The following OPHN1 variants were observed in gnomAD, a reference collection of about 807,000 sequenced individuals.
The protein encoded by OPHN1 is oligophrenin-1.
In OPHN1, 11 loss-of-function variants were observed where a neutral mutation model predicts 60.7. The observed-to-expected ratio is 0.18, with a 90% CI of 0.11 to 0.30. The LOEUF is 0.30. Ranked by LOEUF, OPHN1 falls within the 10% of genes least tolerant of loss-of-function variation. OPHN1 has a pLI of 1.00. For missense variants in OPHN1, 449 were observed against 611.0 expected, an observed-to-expected ratio of 0.73 and a Z score of 2.80; for synonymous variants, 226 against 222.6, an observed-to-expected ratio of 1.02 and a Z score of -0.14.
intron 2 of OPHN1, among the ~76,000 whole-genome samples, chrX:68,312,061 GA>G (rs915834833): frequency 2.8e-5 from 3 of 105,994 alleles, no homozygotes; most frequent in Non-Finnish European, 3.9e-5. Flanking sequence ...AATAATATAA[GA>G]AAACAGGAAA....
intron 20 of OPHN1, 77 bp downstream of exon 20, chrX:68,073,075 G>A: frequency 1.9e-6 from 2 of 1,079,019 alleles, no homozygotes; most frequent in Non-Finnish European, 2.5e-6. Flanking sequence ...AAATGGTCAT[G>A]CCACCGCTTC....
At chrX:68,243,082 C>T (rs1200862987) in intron 5 of OPHN1, among the ~76,000 whole-genome samples, 2 of 110,756 alleles carry the variant, frequency 1.8e-5, no homozygotes, top group Non-Finnish European at 3.8e-5. Context: ...TGGCTGAGGT[C>T]TCAAACTCCT....
At chrX:68,413,590 T>C (rs771784057) in intron 2 of OPHN1, among the ~76,000 whole-genome samples, 1 of 111,545 alleles carries the variant, frequency 9.0e-6, no homozygotes, top group Non-Finnish European at 1.9e-5. Flanking sequence ...TATCCCTCTC[T>C]GTTGCAATTC....
intron 11 of OPHN1, among the ~76,000 whole-genome samples, chrX:68,198,740 GC>G (rs939730832): frequency 9.0e-6 from 1 of 111,489 alleles, no homozygotes; most frequent in African/African-American, 3.3e-5. Context: ...AAGTAACTAG[GC>G]CTTTCTAGAC....
At chrX:68,303,648 C>CA (rs766771191) in intron 2 of OPHN1, among the ~76,000 whole-genome samples, 84 of 83,897 alleles carry the variant, frequency 1.0e-3, no homozygotes, top group Admixed American at 8.2e-4. Flanking sequence ...AATTTCATCT[C>CA]AAAAAAAAAA....
chrX:68,355,982 G>A (rs927075103), intron 2 of OPHN1, among the ~76,000 whole-genome samples: 3 of 110,627 alleles, frequency 2.7e-5, no homozygotes, highest in Admixed American at 9.7e-5. Context: ...CCCGGGTGGT[G>A]GAGGTTGCAG....
intron 5 of OPHN1, among the ~76,000 whole-genome samples, chrX:68,251,184 T>G (rs1181662068): frequency 5.3e-5 from 5 of 94,011 alleles, no homozygotes; most frequent in Admixed American, 1.1e-4. Context: ...TCAAATGTTT[T>G]TTTTTTTTTT....
At chrX:68,387,855 A>C (rs987042825) in intron 2 of OPHN1, among the ~76,000 whole-genome samples, 1 of 111,313 alleles carries the variant, frequency 9.0e-6, no homozygotes, top group East Asian at 2.8e-4. Flanking sequence ...CACTGCAAGT[A>C]AGAAGAGGGA....
intron 2 of OPHN1, among the ~76,000 whole-genome samples, chrX:68,307,328 C>T (rs1021127318): frequency 9.2e-6 from 1 of 108,499 alleles, no homozygotes; most frequent in African/African-American, 3.4e-5. Context: ...GTGGTGTGCA[C>T]CTGTAGTCCC....
At chrX:68,264,332 G>C (rs1291153171) in intron 5 of OPHN1, among the ~76,000 whole-genome samples, 1 of 110,975 alleles carries the variant, frequency 9.0e-6, no homozygotes, top group Non-Finnish European at 1.9e-5. Flanking sequence ...CTACAGAATG[G>C]GAGAAAATTT....
intron 20 of OPHN1, among the ~76,000 whole-genome samples, chrX:68,067,254 C>T (rs2076916330): frequency 9.0e-6 from 1 of 111,567 alleles, no homozygotes; most frequent in Admixed American, 9.5e-5. Flanking sequence ...GTAGAAAGGG[C>T]ATTCAAACAA....
intron 2 of OPHN1, among the ~76,000 whole-genome samples, chrX:68,427,592 T>C (rs1442797929): frequency 9.2e-6 from 1 of 108,674 alleles, no homozygotes; most frequent in African/African-American, 3.3e-5. Context: ...TACTCAGGTA[T>C]CTAGATGCCA....
intron 2 of OPHN1, among the ~76,000 whole-genome samples, chrX:68,313,502 CCATT>C: frequency 8.9e-6 from 1 of 111,870 alleles, no homozygotes; most frequent in East Asian, 2.8e-4. Flanking sequence ...GAATAGTACT[CCATT>C]CAACCATAAA....
At chrX:68,125,716 G>T (rs1461796285) in intron 15 of OPHN1, among the ~76,000 whole-genome samples, 1 of 106,774 alleles carries the variant, frequency 9.4e-6, no homozygotes, top group Non-Finnish European at 1.9e-5. Context: ...AAAAGTCTGG[G>T]ACCCAATAGC....
At chrX:68,105,317 A>G (rs2077076726) in intron 18 of OPHN1, among the ~76,000 whole-genome samples, 1 of 111,184 alleles carries the variant, frequency 9.0e-6, no homozygotes, top group African/African-American at 3.3e-5. Context: ...GTATATACCC[A>G]AAGGATTATA....
chrX:68,146,350 GT>G (rs2077263746), intron 15 of OPHN1, among the ~76,000 whole-genome samples: 1 of 111,809 alleles, frequency 8.9e-6, no homozygotes, highest in Non-Finnish European at 1.9e-5. Context: ...ATATCCACCA[GT>G]TTTCCTTTTG....
chrX:68,132,151 G>A (rs1027364438), intron 15 of OPHN1, among the ~76,000 whole-genome samples: 4 of 111,289 alleles, frequency 3.6e-5, no homozygotes, highest in Admixed American at 9.5e-5. Flanking sequence ...TTTGAAATAC[G>A]TGATCTAGAA....
chrX:68,264,561 C>A (rs1307384016), intron 5 of OPHN1, among the ~76,000 whole-genome samples: 1 of 111,895 alleles, frequency 8.9e-6, no homozygotes, highest in Non-Finnish European at 1.9e-5. Flanking sequence ...GCCAAGATGG[C>A]CCAATAGGAA....
intron 3 of OPHN1, among the ~76,000 whole-genome samples, chrX:68,288,024 T>A (rs958258738): frequency 8.9e-6 from 1 of 111,780 alleles, no homozygotes; most frequent in Non-Finnish European, 1.9e-5. Flanking sequence ...AAAAACCTCA[T>A]TGCTGAATAT....
Sources: allele counts gnomAD v4.1 joint callset (sites outside exome capture counted in the v4.1 genomes callset), GRCh38; gene constraint gnomAD v4.1.1; transcripts MANE v1.5; gene names NCBI Gene and HGNC (gene_info 2026-07-23, HGNC 2026-07-21).